KIF5C: variants seen among roughly 807,000 people sequenced by gnomAD.
The protein encoded by KIF5C is kinesin heavy chain isoform 5C.
In KIF5C, 18 loss-of-function variants were observed where a neutral mutation model predicts 125.2. The observed-to-expected ratio is 0.14, with a 90% CI of 0.10 to 0.21. The LOEUF is 0.21. Among genes scored for constraint, KIF5C ranks in the 10% least tolerant of loss-of-function variants. The probability of loss-of-function intolerance (pLI) is 1.00; values close to 1 mark genes in which losing one functional copy is unlikely to be tolerated. For missense variants in KIF5C, 780 were observed against 1,183.8 expected, an observed-to-expected ratio of 0.66 and a Z score of 5.01; for synonymous variants, 405 against 434.0, an observed-to-expected ratio of 0.93 and a Z score of 0.83.
At chr2:148,994,277 G>A in intron 16 of KIF5C, 144 bp from the exon 17 acceptor site, 1 of 1,145,134 alleles carries the variant, frequency 8.7e-7, no homozygotes, top group Non-Finnish European at 1.2e-6. Context: ...CCAAGGCAAG[G>A]GTAAAATGGG....
intron 1 of KIF5C, among the ~76,000 whole-genome samples, chr2:148,895,337 C>T (rs1469853436): frequency 2.0e-5 from 3 of 152,058 alleles, no homozygotes; most frequent in Admixed American, 2.0e-4. Context: ...GGGGTTTCAC[C>T]ATGTTGGCCA....
intron 1 of KIF5C, among the ~76,000 whole-genome samples, chr2:148,894,302 C>T (rs751446016): frequency 3.3e-5 from 5 of 152,144 alleles, no homozygotes; most frequent in Non-Finnish European, 7.4e-5. Context: ...AATGATTTCT[C>T]CTTCTACCAA....
chr2:149,003,465 G>A (rs1053713624), intron 21 of KIF5C, among the ~76,000 whole-genome samples: 1 of 152,238 alleles, frequency 6.6e-6, no homozygotes, highest in African/African-American at 2.4e-5. Flanking sequence ...TCCTCTGGGT[G>A]CGTTGATGAG....
chr2:149,022,251 T>A (rs994915288), intron 25 of KIF5C, among the ~76,000 whole-genome samples: 1 of 152,170 alleles, frequency 6.6e-6, no homozygotes, highest in African/African-American at 2.4e-5. Context: ...ATGCATTATG[T>A]TACTCTGAAT....
intron 1 of KIF5C, among the ~76,000 whole-genome samples, chr2:148,910,679 C>T (rs1681299565): frequency 6.6e-6 from 1 of 152,132 alleles, no homozygotes. Context: ...TGCTGTTGCA[C>T]TAGGGGGATC....
At chr2:148,984,640 T>G (rs1048302055) in intron 15 of KIF5C, among the ~76,000 whole-genome samples, 1 of 152,108 alleles carries the variant, frequency 6.6e-6, no homozygotes, top group African/African-American at 2.4e-5. Context: ...AGGAGACATA[T>G]CCTTACACTT....
At chr2:148,949,719 A>C in intron 8 of KIF5C, 120 bp from the exon 9 acceptor site, 1 of 1,365,202 alleles carries the variant, frequency 7.3e-7, no homozygotes, top group Non-Finnish European at 9.8e-7. Context: ...GGTCTTCTCT[A>C]CTTTTATTTT....
rs114794826 is a variant in KIF5C, at chr2:148,961,677, A to T, written c.969-294A>T. On this transcript the variant is annotated intron_variant, in intron 10 of 25. Coordinates refer to ENST00000435030, the MANE Select transcript of KIF5C (RefSeq NM_004522.3). Reference sequence around the variant, plus strand: ...ACCATAAGGATGGCTGAGAACACAGACTAAGACAGTGGCAGAGGGAAGAGA... The same window carrying T: ...ACCATAAGGATGGCTGAGAACACAGTCTAAGACAGTGGCAGAGGGAAGAGA... 3.9e-3 allele frequency among the ~76,000 whole-genome samples: 601 copies of T among 152,312 alleles called. 3 individuals are homozygous for T. The highest frequency in any genetic ancestry group is 0.014 in the African/African-American group (569 of 41,558).
At chr2:148,956,177 CAT>C (rs1409404432) in intron 10 of KIF5C, among the ~76,000 whole-genome samples, 1 of 152,210 alleles carries the variant, frequency 6.6e-6, no homozygotes, top group African/African-American at 2.4e-5. Flanking sequence ...AGTGTCATCA[CAT>C]GTGGGTGCTT....
chr2:149,000,507 G>A lies in KIF5C; in HGVS notation c.2295G>A (p.Met765Ile), dbSNP rs1389148216. Residue 765 changes from methionine to isoleucine, a missense_variant, in exon 20 of 26, where the codon ATG becomes ATA. Physicochemically the swap from Met to Ile is conservative, Grantham distance 10. This residue lies in a region of KIF5C where 573 missense variants were observed against 742.6 expected (regional missense o/e 0.77). Transcript: ENST00000435030. ...AAATAGAGGACCAAGAGAGAGAAAT[G>A]AAGCTGGAAAAGCTCTTGTGAGTGC... ...KLKIEDQERE[M>I]KLEKLLLLND... 1 of 1,566,870 alleles carries A rather than the reference G, an allele frequency of 6.4e-7. No individual in the cohort carries two copies. The highest frequency in any genetic ancestry group is 8.7e-7 in the Non-Finnish European group (1 of 1,148,112).
chr2:149,015,039 A>G (rs1288568377), intron 25 of KIF5C, among the ~76,000 whole-genome samples: 1 of 152,132 alleles, frequency 6.6e-6, no homozygotes, highest in African/African-American at 2.4e-5. Flanking sequence ...AAATAGAAAA[A>G]TTAGCTGGGC....
At chr2:148,940,768 C>T (rs1558907563) in intron 4 of KIF5C, among the ~76,000 whole-genome samples, 1 of 152,120 alleles carries the variant, frequency 6.6e-6, no homozygotes, top group Admixed American at 6.6e-5. Context: ...CATCGTAAAG[C>T]CCTATGGCTT....
At chr2:148,893,838 G>C (rs570513387) in intron 1 of KIF5C, among the ~76,000 whole-genome samples, 1 of 151,966 alleles carries the variant, frequency 6.6e-6, no homozygotes, top group African/African-American at 2.4e-5. Context: ...TCCCATTATC[G>C]CTTCCACCTG....
At chr2:148,977,473 AAC>A (rs1044324922) in intron 12 of KIF5C, among the ~76,000 whole-genome samples, 5 of 152,360 alleles carry the variant, frequency 3.3e-5, no homozygotes, top group African/African-American at 1.2e-4. Context: ...CAGGAACATA[AAC>A]ACAAAATCGT....
At position 148,940,131 on chromosome 2, in the gene KIF5C, C is replaced by T. The variant is rs143637834; in HGVS notation, c.397-1479C>T. Among the ~76,000 whole-genome samples, 30 of 152,214 alleles carry T rather than the reference C, an allele frequency of 2.0e-4. No homozygotes were observed. The East Asian group carries it at 5.6e-3, about 28-fold the overall frequency. ...TAGACAAGTCTTAATGAACATCAGACAATTCTGAAATAAATAGAATGCGCT... is the reference window on the plus strand; with the variant it reads ...TAGACAAGTCTTAATGAACATCAGATAATTCTGAAATAAATAGAATGCGCT... On this transcript the variant is annotated intron_variant, in intron 4 of 25. Coordinates refer to ENST00000435030, the MANE Select transcript of KIF5C (RefSeq NM_004522.3).
intron 18 of KIF5C, 56 bp downstream of exon 18, chr2:148,997,396 G>A: frequency 6.2e-7 from 1 of 1,610,948 alleles, no homozygotes; most frequent in Non-Finnish European, 8.5e-7. Flanking sequence ...CATTTGGATT[G>A]GAAATGCTTG....
At chr2:148,935,058 T>C in intron 3 of KIF5C, 1 of 420,802 alleles carries the variant, frequency 2.4e-6, no homozygotes, top group Non-Finnish European at 4.7e-6. Context: ...GTGGTAGATG[T>C]GGGTATGCTT....
chr2:148,960,927 T>C (rs11885858), intron 10 of KIF5C, among the ~76,000 whole-genome samples: 21,358 of 152,268 alleles, frequency 0.14, 2,303 homozygotes, highest in African/African-American at 0.3. Flanking sequence ...TCCTTTTTAA[T>C]TGGACAAGGC....
chr2:148,947,145 C>T, intron 8 of KIF5C, 122 bp downstream of exon 8: 2 of 1,392,770 alleles, frequency 1.4e-6, no homozygotes, highest in East Asian at 5.0e-5. Flanking sequence ...GTTTCTGAGG[C>T]TCTGCCAAGG....
Sources: gnomAD v4.1 joint callset for allele counts (sites outside exome capture counted in the v4.1 genomes callset) on GRCh38, gnomAD v4.1.1 for gene constraint, gnomAD v4.1.1 regional missense constraint, MANE v1.5 for transcripts, NCBI Gene and HGNC (gene_info 2026-07-23, HGNC 2026-07-21) for gene names.